The following NXPE2 variants were observed in gnomAD, a reference collection of about 807,000 sequenced individuals.
NXPE2 encodes NXPE family member 2.
A neutral mutation model predicts 34.4 loss-of-function variants in NXPE2; 34 were observed. That is an observed-to-expected ratio of 0.99 (90% confidence interval 0.75 to 1.31). The LOEUF (loss-of-function observed/expected upper bound fraction) is 1.31, where lower values mean the gene tolerates loss of function less well. Ranked by LOEUF, NXPE2 falls within the 40% of genes most tolerant of loss-of-function variation. NXPE2 has a pLI of 0.00. For missense variants in NXPE2, 649 were observed against 672.5 expected (o/e 0.97, Z 0.39); for synonymous variants, 235 against 231.3 (o/e 1.02, Z -0.15).
chr11:114,800,056 G>C, the NXPE2 span, among the ~76,000 whole-genome samples: 4 of 152,062 alleles, frequency 2.6e-5, no homozygotes, highest in African/African-American at 9.7e-5. Flanking sequence ...CGGCTATTTG[G>C]ATCCAATGCA....
chr11:114,499,412 T>A, the NXPE2 span, among the ~76,000 whole-genome samples: 3 of 152,156 alleles, frequency 2.0e-5, no homozygotes, highest in African/African-American at 7.2e-5. Flanking sequence ...TTTTTAAAAT[T>A]CATTTTCATT....
the NXPE2 span, among the ~76,000 whole-genome samples, chr11:114,535,575 G>C: frequency 6.6e-6 from 1 of 152,088 alleles, no homozygotes; most frequent in African/African-American, 2.4e-5. Context: ...TCAAAATAAA[G>C]GGATGGAGGA....
At chr11:114,792,615 G>A in the NXPE2 span, among the ~76,000 whole-genome samples, 1 of 152,106 alleles carries the variant, frequency 6.6e-6, no homozygotes, top group Non-Finnish European at 1.5e-5. Flanking sequence ...ATCCACAGAT[G>A]ATATACCATT....
chr11:114,576,246 T>C, the NXPE2 span, among the ~76,000 whole-genome samples: 1 of 152,144 alleles, frequency 6.6e-6, no homozygotes, highest in Non-Finnish European at 1.5e-5. Context: ...GCCATGAAGA[T>C]TCTAGAAGAT....
chr11:114,517,925 T>C, the NXPE2 span: 1 of 152,268 alleles, frequency 6.6e-6, no homozygotes, highest in Non-Finnish European at 1.5e-5. Context: ...GCCACACAAG[T>C]ACCAGGGGGA....
At chr11:114,805,254 G>GCATGAGC in the NXPE2 span, among the ~76,000 whole-genome samples, 3 of 151,450 alleles carry the variant, frequency 2.0e-5, no homozygotes, top group Non-Finnish European at 4.4e-5. Flanking sequence ...ACAGCTCCCA[G>GCATGAGC]CATGAGCCAC....
At chr11:114,588,818 T>C in the NXPE2 span, among the ~76,000 whole-genome samples, 86 of 152,292 alleles carry the variant, frequency 5.6e-4, no homozygotes, top group African/African-American at 2.0e-3. Flanking sequence ...CACACCTTCT[T>C]GTCCCCTGAT....
chr11:114,612,334 A>G, the NXPE2 span, among the ~76,000 whole-genome samples: 1 of 151,946 alleles, frequency 6.6e-6, no homozygotes, highest in African/African-American at 2.4e-5. Flanking sequence ...CCTGGTGGAT[A>G]GTAAGTACTG....
At chr11:114,749,105 C>A in the NXPE2 span, among the ~76,000 whole-genome samples, 27 of 152,258 alleles carry the variant, frequency 1.8e-4, no homozygotes, top group Middle Eastern at 3.4e-3. Flanking sequence ...ACCATTTCTC[C>A]AAAGAGTCCT....
At chr11:114,705,250 A>G (rs894757985) in intron 4 of NXPE2, among the ~76,000 whole-genome samples, 3 of 152,198 alleles carry the variant, frequency 2.0e-5, no homozygotes, top group Non-Finnish European at 4.4e-5. Context: ...TCTAGACATG[A>G]CAATTAAGAT....
chr11:114,682,037 T>C (rs973185159), intron 2 of NXPE2, among the ~76,000 whole-genome samples: 2 of 152,184 alleles, frequency 1.3e-5, no homozygotes, highest in Non-Finnish European at 2.9e-5. Flanking sequence ...AACTCAAGGA[T>C]TTTCTTAAAA....
chr11:114,465,861 A>G, the NXPE2 span, among the ~76,000 whole-genome samples: 10 of 152,208 alleles, frequency 6.6e-5, no homozygotes, highest in African/African-American at 2.4e-4. Context: ...TAACAACGGC[A>G]TGGCGCATAG....
At chr11:114,556,896 CT>C in the NXPE2 span, among the ~76,000 whole-genome samples, 281 of 140,516 alleles carry the variant, frequency 2.0e-3, no homozygotes, top group East Asian at 3.5e-3. Flanking sequence ...CCCTTTTTGA[CT>C]TTTTTTTTTT....
At chr11:114,601,884 TTA>T in the NXPE2 span, among the ~76,000 whole-genome samples, 16 of 15,802 alleles carry the variant, frequency 1.0e-3, no homozygotes, top group East Asian at 0.03. Flanking sequence ...TTATATATAA[TTA>T]TATATTATAT....
chr11:114,655,244 A>G, the NXPE2 span, among the ~76,000 whole-genome samples: 100 of 152,268 alleles, frequency 6.6e-4, no homozygotes, highest in Non-Finnish European at 1.1e-3. Flanking sequence ...AGATGGGTAG[A>G]TTGCAAAAAT....
chr11:114,811,433 A>G, the NXPE2 span, among the ~76,000 whole-genome samples: 2 of 152,202 alleles, frequency 1.3e-5, no homozygotes, highest in Admixed American at 6.5e-5. Flanking sequence ...CTCTTCTCCA[A>G]TAGCCTCATC....
At chr11:114,511,366 G>A in the NXPE2 span, among the ~76,000 whole-genome samples, 1 of 152,122 alleles carries the variant, frequency 6.6e-6, no homozygotes, top group Non-Finnish European at 1.5e-5. Flanking sequence ...GCCAGAGGGA[G>A]CACATCTCTC....
chr11:114,651,303 A>T, the NXPE2 span, among the ~76,000 whole-genome samples: 1 of 151,592 alleles, frequency 6.6e-6, no homozygotes, highest in African/African-American at 2.4e-5. Context: ...TGACTTTAGG[A>T]GTGAAGCCGC....
At chr11:114,728,243 G>T in the NXPE2 span, among the ~76,000 whole-genome samples, 37 of 152,004 alleles carry the variant, frequency 2.4e-4, no homozygotes, top group Non-Finnish European at 1.2e-4. Context: ...CTCATTTCAA[G>T]GTTCTTAGTT....
Sources: allele counts gnomAD v4.1 joint callset (sites outside exome capture counted in the v4.1 genomes callset), GRCh38; gene constraint gnomAD v4.1.1; transcripts MANE v1.5; gene names NCBI Gene and HGNC (gene_info 2026-07-23, HGNC 2026-07-21).